The following COG5 variants were observed in gnomAD, a reference collection of about 807,000 sequenced individuals.
The protein encoded by COG5 is component of oligomeric golgi complex 5, also known as conserved oligomeric Golgi complex subunit 5.
A neutral mutation model predicts 110.4 loss-of-function variants in COG5; 86 were observed. The observed-to-expected ratio is 0.78, with a 90% CI of 0.65 to 0.93. The LOEUF is 0.93. Among genes scored for constraint, COG5 ranks in the 40% least tolerant of loss-of-function variants. The pLI is 0.00. For synonymous variants in COG5, 360 were observed against 334.6 expected (o/e 1.08, Z -0.83); for missense variants, 1,077 against 987.0 (o/e 1.09, Z -1.22).
chr7:107,271,461 C>G (rs1397779655), intron 14 of COG5, among the ~76,000 whole-genome samples: 1 of 152,074 alleles, frequency 6.6e-6, no homozygotes, highest in Non-Finnish European at 1.5e-5. Flanking sequence ...CAATTTCTTT[C>G]AACACAACTT....
intron 6 of COG5, among the ~76,000 whole-genome samples, chr7:107,507,691 C>T (rs955928591): frequency 2.3e-4 from 35 of 151,904 alleles, no homozygotes; most frequent in African/African-American, 8.5e-4. Flanking sequence ...ATTAATGGGT[C>T]CCTATTGTAT....
chr7:107,369,649 A>G (rs529006808), intron 8 of COG5, among the ~76,000 whole-genome samples: 3 of 152,206 alleles, frequency 2.0e-5, no homozygotes, highest in Non-Finnish European at 4.4e-5. Flanking sequence ...TCAGTCTCCC[A>G]AAGTGCTGGG....
chr7:107,486,120 T>A (rs1797642587), intron 6 of COG5, among the ~76,000 whole-genome samples: 1 of 152,118 alleles, frequency 6.6e-6, no homozygotes. Flanking sequence ...ATATTCGTGT[T>A]TGCCAGGCCA....
chr7:107,500,632 A>T (rs1290896018), intron 6 of COG5, among the ~76,000 whole-genome samples: 1 of 152,212 alleles, frequency 6.6e-6, no homozygotes, highest in Non-Finnish European at 1.5e-5. Context: ...ATAATTAATA[A>T]GGAAATAATA....
intron 8 of COG5, among the ~76,000 whole-genome samples, chr7:107,369,781 T>C (rs1206205395): frequency 1.3e-5 from 2 of 152,224 alleles, no homozygotes; most frequent in Non-Finnish European, 2.9e-5. Flanking sequence ...TTTTCCACCT[T>C]AGAGATAAAA....
intron 14 of COG5, among the ~76,000 whole-genome samples, chr7:107,271,149 A>C (rs1804236664): frequency 6.6e-6 from 1 of 152,040 alleles, no homozygotes; most frequent in Non-Finnish European, 1.5e-5. Flanking sequence ...GGGGAGGCTG[A>C]GGCAGAAAGA....
At chr7:107,220,133 T>C (rs1192654405) in intron 19 of COG5, among the ~76,000 whole-genome samples, 3 of 152,206 alleles carry the variant, frequency 2.0e-5, no homozygotes, top group East Asian at 3.9e-4. Context: ...GAATATCAGC[T>C]GTAGCAACTA....
chr7:107,374,459 C>T (rs1814457686), intron 7 of COG5, among the ~76,000 whole-genome samples: 2 of 152,078 alleles, frequency 1.3e-5, no homozygotes, highest in African/African-American at 4.8e-5. Context: ...AGCATAGCTT[C>T]TCCACACACA....
chr7:107,448,038 C>T (rs1262196496), intron 6 of COG5, among the ~76,000 whole-genome samples: 20 of 152,076 alleles, frequency 1.3e-4, no homozygotes. Flanking sequence ...CGCTTGTAAT[C>T]CCAGCTACAT....
intron 5 of COG5, among the ~76,000 whole-genome samples, chr7:107,545,672 C>T (rs1283923053): frequency 2.7e-5 from 4 of 149,434 alleles, no homozygotes; most frequent in Admixed American, 1.3e-4. Flanking sequence ...CCCAGCTACT[C>T]GGGAGGCTGA....
chr7:107,543,417 A>T (rs1044305041), intron 5 of COG5, among the ~76,000 whole-genome samples: 1 of 152,176 alleles, frequency 6.6e-6, no homozygotes, highest in African/African-American at 2.4e-5. Flanking sequence ...TGTGTTGGGC[A>T]GGCTGCCCCC....
Position 107,361,061 on chromosome 7 carries a change from T to C in COG5, c.1026+972A>G, listed in dbSNP as rs150546525. Among the ~76,000 whole-genome samples the C allele has an allele frequency of 2.5e-3, 378 of 152,310 alleles. 2 individuals are homozygous for C. Among genetic ancestry groups the C allele is most frequent in the Non-Finnish European group, 4.2e-3 (285 of 68,024 alleles). On this transcript the variant is annotated intron_variant, in intron 10 of 21. Coordinates refer to ENST00000297135, the MANE Select transcript of COG5 (RefSeq NM_006348.5). ...GGCTTTCCACACAGTATACAAAATA[T>C]TTAATATTGTGGACTTACAAAGGAA... is the stretch of plus-strand genomic sequence containing the variant.
At chr7:107,367,560 G>GTATA (rs897117077) in intron 8 of COG5, among the ~76,000 whole-genome samples, 3 of 148,720 alleles carry the variant, frequency 2.0e-5, no homozygotes, top group South Asian at 2.1e-4. Context: ...AAACTGTTGT[G>GTATA]TATATATATA....
chr7:107,445,725 G>T (rs1018896314), intron 6 of COG5, among the ~76,000 whole-genome samples: 1 of 152,092 alleles, frequency 6.6e-6, no homozygotes, highest in African/African-American at 2.4e-5. Flanking sequence ...AATGGTATAC[G>T]ATGAAAAGCA....
chr7:107,362,856 G>A (rs1214928944), intron 8 of COG5, among the ~76,000 whole-genome samples: 2 of 148,664 alleles, frequency 1.3e-5, no homozygotes, highest in Non-Finnish European at 3.0e-5. Context: ...AACACATACC[G>A]AAACAAATAA....
Position 107,223,240 on chromosome 7 carries a change from C to T in COG5, c.2168+7375G>A, listed in dbSNP as rs539460244. 1.4e-3 allele frequency among the ~76,000 whole-genome samples: 217 copies of T among 152,290 alleles called. 1 individual carries two copies. Among genetic ancestry groups the T allele is most frequent in the South Asian group, 3.5e-3 (17 of 4,822 alleles). ...GTGGGGCAGGGCACAGGTGGCCATG[C>T]TCTCTGCACAGGACACAATGAGGGC... On this transcript the variant is annotated intron_variant, in intron 19 of 21. Transcript: ENST00000297135.
chr7:107,313,959 A>G (rs565713967), intron 11 of COG5, among the ~76,000 whole-genome samples: 1 of 152,262 alleles, frequency 6.6e-6, no homozygotes, highest in South Asian at 2.1e-4. Context: ...TTGTCATGGT[A>G]CCATTATTTA....
At chr7:107,396,740 A>G (rs1791045208) in intron 7 of COG5, among the ~76,000 whole-genome samples, 1 of 152,208 alleles carries the variant, frequency 6.6e-6, no homozygotes, top group Non-Finnish European at 1.5e-5. Flanking sequence ...CTAACAAGTC[A>G]TAGTTTGGCA....
intron 7 of COG5, among the ~76,000 whole-genome samples, chr7:107,388,125 G>A (rs1735314722): frequency 6.6e-6 from 1 of 152,104 alleles, no homozygotes; most frequent in African/African-American, 2.4e-5. Flanking sequence ...CCCAGAAACT[G>A]GCTAAACAAA....
Sources: gnomAD v4.1 joint callset for allele counts (sites outside exome capture counted in the v4.1 genomes callset) on GRCh38, gnomAD v4.1.1 for gene constraint, MANE v1.5 for transcripts, NCBI Gene and HGNC (gene_info 2026-07-23, HGNC 2026-07-21) for gene names.